The following FHIP1A variants were observed in gnomAD, a reference collection of about 807,000 sequenced individuals.
FHIP1A encodes the protein FHF complex subunit HOOK-interacting protein 1A.
In FHIP1A, 61 loss-of-function variants were observed where a neutral mutation model predicts 88.6. The observed-to-expected ratio is 0.69, with a 90% CI of 0.56 to 0.85. The LOEUF is 0.85. Among genes scored for constraint, FHIP1A ranks in the 40% least tolerant of loss-of-function variants. The pLI, the probability that FHIP1A is intolerant of heterozygous loss-of-function variation, is 0.00. For missense variants in FHIP1A, 1,154 were observed against 1,273.5 expected (o/e 0.91, Z 1.43); for synonymous variants, 478 against 496.0 (o/e 0.96, Z 0.48).
rs756178547 is a variant in FHIP1A at position 151,588,902 on chromosome 4, A to C, written c.954A>C (p.Pro318=). The C allele has an allele frequency of 5.2e-6, 8 of 1,550,956 alleles. No individual in the cohort carries two copies. In the South Asian group the frequency reaches 9.5e-5, roughly 18 times the overall value. Reference sequence around the variant, plus strand: ...ACATTTACAATGGATTTTTGGTACCAGTCTTGGCTCCTGCTCTCCATAAGG... The same window carrying C: ...ACATTTACAATGGATTTTTGGTACCCGTCTTGGCTCCTGCTCTCCATAAGG... ...VNYIYNGFLV[P]VLAPALHKVT... is the part of the protein sequence containing the mutation. The change falls in exon 7 of 14, where the codon CCA becomes CCC. Residue 318 remains proline (P), a synonymous_variant. Transcript: ENST00000435205.
At chr4:151,639,921 C>A (rs576527098) in intron 9 of FHIP1A, among the ~76,000 whole-genome samples, 1 of 152,234 alleles carries the variant, frequency 6.6e-6, no homozygotes. Flanking sequence ...AGGGAGGAGA[C>A]CTGGTCTTCC....
intron 11 of FHIP1A, among the ~76,000 whole-genome samples, chr4:151,650,973 T>TC (rs1228399578): frequency 6.6e-6 from 1 of 152,172 alleles, no homozygotes; most frequent in Non-Finnish European, 1.5e-5. Flanking sequence ...AATGACTGTC[T>TC]CCCCCAGTAG....
intron 3 of FHIP1A, among the ~76,000 whole-genome samples, chr4:151,565,778 A>T (rs1171904522): frequency 1.3e-5 from 2 of 151,808 alleles, no homozygotes; most frequent in Non-Finnish European, 2.9e-5. Flanking sequence ...AGTAATGGCA[A>T]AAACCGCAAT....
intron 4 of FHIP1A, among the ~76,000 whole-genome samples, chr4:151,567,350 T>C (rs899447998): frequency 5.9e-5 from 9 of 152,024 alleles, no homozygotes; most frequent in African/African-American, 2.2e-4. Context: ...ACAGCAATTA[T>C]AGGGGACACA....
intron 11 of FHIP1A, 64 bp downstream of exon 11, chr4:151,650,656 A>G: frequency 1.4e-6 from 2 of 1,470,480 alleles, no homozygotes; most frequent in Non-Finnish European, 1.8e-6. Flanking sequence ...TTGGAACAGG[A>G]AAGGAAGGTA....
chr4:151,475,674 T>C (rs1729671728), intron 2 of FHIP1A, among the ~76,000 whole-genome samples: 1 of 152,084 alleles, frequency 6.6e-6, no homozygotes, highest in Non-Finnish European at 1.5e-5. Flanking sequence ...AGTGCCCAGT[T>C]TGTGGGGCTG....
chr4:151,485,261 G>A (rs1316808503), intron 3 of FHIP1A, among the ~76,000 whole-genome samples: 1 of 135,466 alleles, frequency 7.4e-6, no homozygotes, highest in Non-Finnish European at 1.6e-5. Context: ...TTTCTTTCGA[G>A]CATAGTTTGG....
chr4:151,415,944 G>GTT (rs397880424), intron 1 of FHIP1A, among the ~76,000 whole-genome samples: 1,483 of 144,752 alleles, frequency 0.01, 23 homozygotes, highest in African/African-American at 0.034. Context: ...GGAGCATAGT[G>GTT]TTTTTTTTTT....
chr4:151,489,955 G>A (rs1580625821), intron 3 of FHIP1A, among the ~76,000 whole-genome samples: 1 of 152,130 alleles, frequency 6.6e-6, no homozygotes, highest in Admixed American at 6.5e-5. Context: ...AGAAACCAGA[G>A]CACTTATCTT....
intron 2 of FHIP1A, among the ~76,000 whole-genome samples, chr4:151,467,212 G>A (rs921701866): frequency 2.0e-5 from 3 of 152,148 alleles, no homozygotes; most frequent in Non-Finnish European, 2.9e-5. Flanking sequence ...TGGCCGAGAA[G>A]CATATGAAAA....
intron 8 of FHIP1A, among the ~76,000 whole-genome samples, chr4:151,634,707 A>G (rs1736283379): frequency 6.6e-6 from 1 of 151,850 alleles, no homozygotes; most frequent in South Asian, 2.1e-4. Context: ...CACATGCAAA[A>G]GAATGAAGTT....
At chr4:151,568,843 A>G (rs962742605) in intron 4 of FHIP1A, among the ~76,000 whole-genome samples, 1 of 152,196 alleles carries the variant, frequency 6.6e-6, no homozygotes, top group South Asian at 2.1e-4. Flanking sequence ...GAGAATGGAT[A>G]CTAGGAATAA....
chr4:151,620,684 A>G (rs1735705554), intron 7 of FHIP1A, among the ~76,000 whole-genome samples: 1 of 152,024 alleles, frequency 6.6e-6, no homozygotes, highest in African/African-American at 2.4e-5. Context: ...CTTCTCTTCC[A>G]TTGTAGGAAA....
chr4:151,616,067 C>A (rs1314692940), intron 7 of FHIP1A, among the ~76,000 whole-genome samples: 1 of 152,150 alleles, frequency 6.6e-6, no homozygotes, highest in African/African-American at 2.4e-5. Flanking sequence ...CATCAGTTGG[C>A]AGTGTCTAGA....
At chr4:151,613,419 C>A (rs533974789) in intron 7 of FHIP1A, among the ~76,000 whole-genome samples, 9 of 152,200 alleles carry the variant, frequency 5.9e-5, no homozygotes, top group African/African-American at 2.2e-4. Context: ...ATCTGTCAAG[C>A]GGGATAACTT....
At chr4:151,639,530 C>T (rs1342668968) in intron 9 of FHIP1A, among the ~76,000 whole-genome samples, 1 of 152,148 alleles carries the variant, frequency 6.6e-6, no homozygotes, top group African/African-American at 2.4e-5. Context: ...GATTTAGCCC[C>T]GAATCTCTGC....
intron 1 of FHIP1A, among the ~76,000 whole-genome samples, chr4:151,428,053 G>A (rs920791699): frequency 3.9e-5 from 6 of 152,150 alleles, no homozygotes; most frequent in Non-Finnish European, 5.9e-5. Flanking sequence ...ACTTGATATA[G>A]TATCATGGTA....
chr4:151,418,191 A>AAAAAAAAAAAAG (rs1732969811), intron 1 of FHIP1A, among the ~76,000 whole-genome samples: 1 of 151,330 alleles, frequency 6.6e-6, no homozygotes, highest in Admixed American at 6.6e-5. Context: ...AAAAAAAAAA[A>AAAAAAAAAAAAG]AAAACAAGAG....
chr4:151,413,381 A>G (rs1438206199), intron 1 of FHIP1A, among the ~76,000 whole-genome samples: 2 of 152,282 alleles, frequency 1.3e-5, no homozygotes, highest in African/African-American at 4.8e-5. Context: ...CCAGACAGGA[A>G]TCTGCTGTTT....
Sources: allele counts gnomAD v4.1 joint callset (sites outside exome capture counted in the v4.1 genomes callset), GRCh38; gene constraint gnomAD v4.1.1; transcripts MANE v1.5; gene names NCBI Gene and HGNC (gene_info 2026-07-23, HGNC 2026-07-21).